IL22RA1: variants seen among roughly 807,000 people sequenced by gnomAD.
The protein encoded by IL22RA1 is interleukin 22 receptor subunit alpha 1.
IL22RA1 carries 25 observed loss-of-function variants against 32.8 expected under a neutral mutation model. The ratio of observed to expected loss-of-function variants is 0.76; its 90% CI spans 0.55 to 1.06. IL22RA1 has a LOEUF of 1.06. IL22RA1 is among the 50% of genes least tolerant of loss of function. IL22RA1 has a pLI of 0.00. For missense variants in IL22RA1, 709 were observed against 727.4 expected, an observed-to-expected ratio of 0.97 and a Z score of 0.29; for synonymous variants, 305 against 305.0, an observed-to-expected ratio of 1.00 and a Z score of 0.00.
chr1:24,126,986 C>T (rs1197767159), intron 5 of IL22RA1, among the ~76,000 whole-genome samples: 2 of 137,264 alleles, frequency 1.5e-5, no homozygotes, highest in Non-Finnish European at 3.1e-5. Flanking sequence ...GCCTGAGCAA[C>T]AGGATGAAAC....
At chr1:24,134,491 A>G in intron 3 of IL22RA1, 105 bp from the exon 4 acceptor site, 2 of 768,758 alleles carry the variant, frequency 2.6e-6, no homozygotes, top group Non-Finnish European at 3.7e-6. Context: ...CTCTCCTTCC[A>G]CTCCAGTGCC....
intron 1 of IL22RA1, among the ~76,000 whole-genome samples, chr1:24,140,387 T>C (rs1463670607): frequency 6.6e-6 from 1 of 152,136 alleles, no homozygotes; most frequent in Admixed American, 6.5e-5. Context: ...AGGGAAGACA[T>C]TCGCTCTGTA....
intron 4 of IL22RA1, among the ~76,000 whole-genome samples, chr1:24,130,914 A>G (rs182459595): frequency 3.3e-5 from 5 of 152,328 alleles, no homozygotes; most frequent in Non-Finnish European, 7.3e-5. Flanking sequence ...CACACTGGCC[A>G]GGATGGTCTT....
intron 5 of IL22RA1, among the ~76,000 whole-genome samples, chr1:24,124,693 G>A (rs923094210): frequency 6.6e-5 from 10 of 151,970 alleles, no homozygotes; most frequent in Admixed American, 4.6e-4. Flanking sequence ...TGAACTCCGG[G>A]TACTGCTGGA....
intron 3 of IL22RA1, among the ~76,000 whole-genome samples, chr1:24,136,397 C>T (rs190161439): frequency 2.2e-4 from 34 of 152,256 alleles, no homozygotes; most frequent in East Asian, 5.8e-4. Context: ...GTAATTGCAG[C>T]GTGTGATCTG....
intron 5 of IL22RA1, among the ~76,000 whole-genome samples, chr1:24,126,055 A>T (rs1009655840): frequency 6.6e-6 from 1 of 152,206 alleles, no homozygotes; most frequent in Non-Finnish European, 1.5e-5. Context: ...ATTGTCAAAA[A>T]GCTGGTGGGC....
At chr1:24,129,698 T>C (rs1190538103) in intron 4 of IL22RA1, among the ~76,000 whole-genome samples, 1 of 152,226 alleles carries the variant, frequency 6.6e-6, no homozygotes, top group African/African-American at 2.4e-5. Context: ...TGCCTTCTCT[T>C]TTTCAGGCAC....
intron 5 of IL22RA1, among the ~76,000 whole-genome samples, chr1:24,126,145 C>A (rs1213812577): frequency 3.3e-5 from 5 of 152,214 alleles, no homozygotes; most frequent in African/African-American, 1.2e-4. Context: ...CAAACACTCC[C>A]AGCTTAGCCC....
intron 4 of IL22RA1, 81 bp downstream of exon 4, chr1:24,134,130 T>C (rs1644225395): frequency 2.4e-6 from 3 of 1,260,638 alleles, no homozygotes; most frequent in East Asian, 5.3e-5. Context: ...TGTCCCCTTT[T>C]TTTCTTAAAG....
chr1:24,134,097 G>T, intron 4 of IL22RA1, 114 bp downstream of exon 4: 2 of 820,980 alleles, frequency 2.4e-6, no homozygotes, highest in Non-Finnish European at 1.8e-6. Flanking sequence ...GACATGTTTT[G>T]GGAAATGCTA....
chr1:24,132,914 G>A (rs1644216372), intron 4 of IL22RA1, among the ~76,000 whole-genome samples: 1 of 151,646 alleles, frequency 6.6e-6, no homozygotes, highest in Non-Finnish European at 1.5e-5. Flanking sequence ...AGTGGTGGGA[G>A]AAATGTGGGC....
intron 1 of IL22RA1, among the ~76,000 whole-genome samples, chr1:24,142,512 G>A (rs1025998721): frequency 6.6e-6 from 1 of 152,212 alleles, no homozygotes; most frequent in African/African-American, 2.4e-5. Flanking sequence ...TAGCAGACCT[G>A]GCCACTCTAG....
At chr1:24,141,095 A>G (rs1196157928) in intron 1 of IL22RA1, among the ~76,000 whole-genome samples, 1 of 152,226 alleles carries the variant, frequency 6.6e-6, no homozygotes, top group Non-Finnish European at 1.5e-5. Context: ...CTGGCCCAGC[A>G]GCTGCAAAAT....
rs777988227 is a variant in IL22RA1, at chr1:24,121,676, G to C, written c.854C>G (p.Pro285Arg). ...LRFIQEHVLI[P>R]VFDLSGPSSL... Reference sequence around the variant, plus strand: ...GCTGGGGCCGCTGAGGTCAAAGACAGGGATCAGGACGTGCTCCTGGATGAA... The same window carrying C: ...GCTGGGGCCGCTGAGGTCAAAGACACGGATCAGGACGTGCTCCTGGATGAA... The change falls in exon 7 of 7, where the codon CCT becomes CGT. Residue 285 changes from proline (P) to arginine (R), a missense_variant. Transcript: ENST00000270800. The C allele has an allele frequency of 1.9e-6, 3 of 1,603,978 alleles. No individual in the cohort carries two copies. Among genetic ancestry groups the C allele is most frequent in the South Asian group, 1.1e-5 (1 of 89,988 alleles).
chr1:24,136,550 G>A (rs1644243807), intron 3 of IL22RA1, among the ~76,000 whole-genome samples: 1 of 152,164 alleles, frequency 6.6e-6, no homozygotes, highest in East Asian at 1.9e-4. Context: ...AAAAGAACCA[G>A]TCATGTGAAG....
chr1:24,127,460 C>T (rs367838648), intron 5 of IL22RA1, among the ~76,000 whole-genome samples: 26 of 152,112 alleles, frequency 1.7e-4, no homozygotes, highest in African/African-American at 4.8e-4. Context: ...CACAGATGCA[C>T]GCCACCATAC....
intron 4 of IL22RA1, among the ~76,000 whole-genome samples, chr1:24,131,957 A>C (rs1268430149): frequency 6.6e-6 from 1 of 152,224 alleles, no homozygotes; most frequent in Non-Finnish European, 1.5e-5. Context: ...AATCAACAAT[A>C]AAATATTTAA....
chr1:24,128,000 A>G, intron 5 of IL22RA1, 141 bp downstream of exon 5: 4 of 782,668 alleles, frequency 5.1e-6, no homozygotes, highest in Non-Finnish European at 5.6e-6. Flanking sequence ...ATAAACAAAG[A>G]TTGACTTCAA....
At chr1:24,124,974 G>A (rs1234712149) in intron 5 of IL22RA1, among the ~76,000 whole-genome samples, 1 of 152,188 alleles carries the variant, frequency 6.6e-6, no homozygotes, top group African/African-American at 2.4e-5. Flanking sequence ...TTCACCCATA[G>A]GGAGGCTGGA....
Sources: allele counts gnomAD v4.1 joint callset (sites outside exome capture counted in the v4.1 genomes callset), GRCh38; gene constraint gnomAD v4.1.1; transcripts MANE v1.5; gene names NCBI Gene and HGNC (gene_info 2026-07-23, HGNC 2026-07-21).